ERBB4: variants seen among roughly 807,000 people sequenced by gnomAD.
ERBB4 encodes receptor tyrosine-protein kinase erbB-4.
Under a neutral mutation model 158.0 loss-of-function variants are expected in ERBB4, and 42 were observed. The ratio of observed to expected loss-of-function variants is 0.27; its 90% confidence interval spans 0.21 to 0.34. The LOEUF is 0.34. ERBB4 is among the 10% of genes least tolerant of loss of function. The probability of loss-of-function intolerance (pLI) is 1.00; values close to 1 mark genes in which losing one functional copy is unlikely to be tolerated. For missense variants in ERBB4, 1,333 were observed against 1,624.1 expected (o/e 0.82, Z 3.08); for synonymous variants, 583 against 558.7 (o/e 1.04, Z -0.61).
chr2:212,190,515 C>T (rs143479925), intron 1 of ERBB4, among the ~76,000 whole-genome samples: 3,607 of 137,520 alleles, frequency 0.026, 106 homozygotes, highest in African/African-American at 0.082. Flanking sequence ...CCAGCCTGGG[C>T]AACAGAGCGA....
At chr2:212,257,031 T>A (rs62182618) in intron 1 of ERBB4, among the ~76,000 whole-genome samples, 3 of 152,080 alleles carry the variant, frequency 2.0e-5, no homozygotes, top group East Asian at 3.9e-4. Flanking sequence ...GTAGTAAGCA[T>A]AGTACCCAAT....
At chr2:212,072,906 A>G (rs2078165235) in intron 2 of ERBB4, among the ~76,000 whole-genome samples, 1 of 151,900 alleles carries the variant, frequency 6.6e-6, no homozygotes, top group Non-Finnish European at 1.5e-5. Context: ...AATGCTAAGA[A>G]ACAAAGAAAT....
intron 1 of ERBB4, among the ~76,000 whole-genome samples, chr2:212,225,286 G>T (rs1259940452): frequency 1.3e-5 from 2 of 151,928 alleles, no homozygotes; most frequent in Non-Finnish European, 2.9e-5. Flanking sequence ...GTTATTTTGA[G>T]AAAGCATCAA....
rs1421911977 is a variant in ERBB4, at chr2:212,062,397, TTC to T, written c.234+62353_234+62354del. On this transcript the variant is annotated intron_variant, in intron 2 of 27. Transcript: ENST00000342788. ...TCCTACTACTCTTCTCACTTGTCAATTCTTTTTTTTTTTTTTTTTTTTTTTTT... is the reference window on the plus strand; with the variant it reads ...TCCTACTACTCTTCTCACTTGTCAATTTTTTTTTTTTTTTTTTTTTTTTTT... Among the ~76,000 whole-genome samples, 67 of 94,904 alleles carry T rather than the reference TTC, an allele frequency of 7.1e-4. 2 individuals are homozygous for T. Among genetic ancestry groups the T allele is most frequent in the Admixed American group, 2.7e-3 (18 of 6,748 alleles). 62.3% of individuals were successfully genotyped at this position (94,904 alleles called of 152,430 possible). A position where few individuals can be genotyped will look rare whatever the true frequency, so the allele number is the denominator to read the frequency against.
At chr2:211,848,292 T>C (rs144353895) in intron 3 of ERBB4, among the ~76,000 whole-genome samples, 1,640 of 152,178 alleles carry the variant, frequency 0.011, 28 homozygotes, top group African/African-American at 0.037. Context: ...AGACACAGCA[T>C]AGCCTGTATG....
At position 211,639,874 on chromosome 2, in the gene ERBB4, C is replaced by G. The variant is rs577748596; in HGVS notation, c.1947-9280G>C. ...ATAGCTGAGATTACAGGCACCCCCC[C>G]ACCATGCCCAGCTAATGTTTGTATT... On this transcript the variant is annotated intron_variant, in intron 16 of 27. Coordinates refer to ENST00000342788, the MANE Select transcript of ERBB4 (RefSeq NM_005235.3). Among the ~76,000 whole-genome samples the G allele has an allele frequency of 2.1e-4, 32 of 152,176 alleles. No individual in the cohort carries two copies. In the South Asian group the frequency reaches 6.6e-3, roughly 32 times the overall value.
At chr2:211,899,949 T>C (rs988883710) in intron 3 of ERBB4, among the ~76,000 whole-genome samples, 1 of 152,166 alleles carries the variant, frequency 6.6e-6, no homozygotes, top group African/African-American at 2.4e-5. Context: ...ACCAAACTTA[T>C]AAACTCAGTA....
chr2:212,274,948 CT>C (rs1395285747), intron 1 of ERBB4, among the ~76,000 whole-genome samples: 1 of 151,678 alleles, frequency 6.6e-6, no homozygotes, highest in Admixed American at 6.6e-5. Flanking sequence ...GCAGGCCCCA[CT>C]GTGTGATGTT....
chr2:211,934,767 T>G (rs2080267283), intron 3 of ERBB4, among the ~76,000 whole-genome samples: 1 of 151,918 alleles, frequency 6.6e-6, no homozygotes, highest in South Asian at 2.1e-4. Context: ...TATACTTTAT[T>G]ATTTTAGTTC....
intron 2 of ERBB4, among the ~76,000 whole-genome samples, chr2:211,966,580 C>T (rs1362331334): frequency 6.6e-6 from 1 of 152,152 alleles, no homozygotes; most frequent in Admixed American, 6.6e-5. Flanking sequence ...GATTAACTAT[C>T]TCTCTTAGCA....
At chr2:211,445,936 A>G (rs1023042606) in intron 20 of ERBB4, among the ~76,000 whole-genome samples, 5 of 152,172 alleles carry the variant, frequency 3.3e-5, no homozygotes, top group Non-Finnish European at 5.9e-5. Flanking sequence ...CAGAGATGGG[A>G]TCAAATGTTC....
At chr2:211,501,914 A>G (rs949122293) in intron 20 of ERBB4, among the ~76,000 whole-genome samples, 21 of 152,130 alleles carry the variant, frequency 1.4e-4, no homozygotes, top group Non-Finnish European at 2.8e-4. Context: ...TAAATCTCCC[A>G]GAGCATTTAT....
intron 7 of ERBB4, among the ~76,000 whole-genome samples, chr2:211,716,049 AC>A (rs2073884957): frequency 2.6e-5 from 4 of 152,226 alleles, no homozygotes; most frequent in African/African-American, 9.6e-5. Flanking sequence ...TGGATTAGGA[AC>A]TGTAGACCTG....
At chr2:212,428,548 A>G (rs1486191213) in intron 1 of ERBB4, among the ~76,000 whole-genome samples, 3 of 152,182 alleles carry the variant, frequency 2.0e-5, no homozygotes, top group Non-Finnish European at 4.4e-5. Context: ...ATCAATGAGC[A>G]TGAAGTTTCA....
intron 14 of ERBB4, among the ~76,000 whole-genome samples, chr2:211,668,417 A>C (rs1210749392): frequency 6.6e-6 from 1 of 152,202 alleles, no homozygotes; most frequent in Non-Finnish European, 1.5e-5. Flanking sequence ...CTCTTCTTTC[A>C]TTATATTCCC....
chr2:211,932,811 C>T (rs1254312054), intron 3 of ERBB4, among the ~76,000 whole-genome samples: 2 of 152,000 alleles, frequency 1.3e-5, no homozygotes, highest in Non-Finnish European at 2.9e-5. Context: ...TAAAGTTACA[C>T]TAAATCTCTC....
intron 1 of ERBB4, among the ~76,000 whole-genome samples, chr2:212,140,088 G>A: frequency 6.6e-6 from 1 of 151,560 alleles, no homozygotes; most frequent in East Asian, 1.9e-4. Context: ...GTCAAATAAT[G>A]ACTATAGAAT....
chr2:212,414,126 A>G (rs918407226), intron 1 of ERBB4, among the ~76,000 whole-genome samples: 15 of 152,258 alleles, frequency 9.9e-5, no homozygotes, highest in African/African-American at 3.1e-4. Flanking sequence ...TTCAAAAACA[A>G]CTTTGCATAT....
chr2:212,532,707 T>A (rs953578714), intron 1 of ERBB4, among the ~76,000 whole-genome samples: 2 of 152,212 alleles, frequency 1.3e-5, no homozygotes, highest in African/African-American at 4.8e-5. Flanking sequence ...TTCGCTAGCA[T>A]CACACAATAG....
Sources: gnomAD v4.1 joint callset for allele counts (sites outside exome capture counted in the v4.1 genomes callset) on GRCh38, gnomAD v4.1.1 for gene constraint, MANE v1.5 for transcripts, NCBI Gene and HGNC (gene_info 2026-07-23, HGNC 2026-07-21) for gene names.